Variants in SND1 observed in about 807,000 individuals in gnomAD.
The protein encoded by SND1 is staphylococcal nuclease and tudor domain containing 1.
A neutral mutation model predicts 121.7 loss-of-function variants in SND1; 38 were observed. That is an observed-to-expected ratio of 0.31 (90% confidence interval 0.24 to 0.41). The LOEUF (loss-of-function observed/expected upper bound fraction) is 0.41, where lower values mean the gene tolerates loss of function less well. SND1 is among the 10% of genes least tolerant of loss of function. SND1 has a pLI of 1.00. For missense variants in SND1, 868 were observed against 1,184.6 expected, an observed-to-expected ratio of 0.73 and a Z score of 3.92; for synonymous variants, 401 against 447.4, an observed-to-expected ratio of 0.90 and a Z score of 1.31.
intron 20 of SND1, chr7:128,086,587 G>A (rs1793691333): frequency 2.8e-6 from 1 of 358,726 alleles, no homozygotes; most frequent in Non-Finnish European, 5.3e-6. Context: ...GAACCCCCTG[G>A]CCTGTGGGAA....
intron 9 of SND1, among the ~76,000 whole-genome samples, chr7:127,711,542 T>C (rs1315508620): frequency 6.6e-6 from 1 of 152,156 alleles, no homozygotes; most frequent in Admixed American, 6.5e-5. Context: ...CAAATTCTTT[T>C]TGATCCTAGT....
At chr7:127,660,408 G>T (rs1227943722) in intron 1 of SND1, among the ~76,000 whole-genome samples, 1 of 152,176 alleles carries the variant, frequency 6.6e-6, no homozygotes, top group South Asian at 2.1e-4. Context: ...GAGTGTGGGG[G>T]CTAATAGGGT....
intron 16 of SND1, among the ~76,000 whole-genome samples, chr7:127,994,734 C>T (rs892986154): frequency 3.3e-5 from 5 of 152,146 alleles, no homozygotes; most frequent in East Asian, 1.9e-4. Context: ...TTGTTTGAAA[C>T]GGAGTCTCGC....
Position 128,029,620 on chromosome 7 carries a change from C to G in SND1, c.1779+38564C>G. The G allele has an allele frequency of 6.2e-7, 1 of 1,613,998 alleles. No homozygotes were observed. The highest frequency in any genetic ancestry group is 8.5e-7 in the Non-Finnish European group (1 of 1,180,004). ...TGGAAGGAGGCCTGGTCCACCTCCA[C>G]GAGGTAGCGGCCTCGCATGTGCATG... On this transcript the variant is annotated intron_variant, in intron 16 of 23. Transcript: ENST00000354725. This position sits in a 1 kb window ranked among gnomAD's most constrained non-coding sequence, Gnocchi z 4.2.
intron 11 of SND1, among the ~76,000 whole-genome samples, chr7:127,835,023 G>C (rs1455305224): frequency 2.0e-5 from 3 of 152,192 alleles, no homozygotes; most frequent in African/African-American, 7.2e-5. Context: ...ACTCTTGGCA[G>C]GGTGAATACT....
chr7:127,893,337 CTA>C (rs1800050996), intron 13 of SND1, among the ~76,000 whole-genome samples: 1 of 152,050 alleles, frequency 6.6e-6, no homozygotes, highest in East Asian at 1.9e-4. Flanking sequence ...TGGCTGTGTG[CTA>C]TGTTTTCTTT....
intron 8 of SND1, among the ~76,000 whole-genome samples, chr7:127,705,309 AACAG>A (rs1475706283): frequency 2.6e-5 from 4 of 152,222 alleles, no homozygotes; most frequent in Admixed American, 6.5e-5. Flanking sequence ...GCTGCTCCCA[AACAG>A]ACAGACAAGA....
chr7:127,985,794 C>G (rs1433761614), intron 15 of SND1, among the ~76,000 whole-genome samples: 1 of 152,200 alleles, frequency 6.6e-6, no homozygotes, highest in Non-Finnish European at 1.5e-5. Context: ...GCTAGATGAG[C>G]TGGTGGATTT....
intron 10 of SND1, among the ~76,000 whole-genome samples, chr7:127,799,992 C>T (rs1212269078): frequency 2.0e-5 from 3 of 152,148 alleles, no homozygotes; most frequent in Admixed American, 2.0e-4. Context: ...GTTATCAGAC[C>T]TGCCTTTTAT....
chr7:127,952,431 A>G (rs749196286), intron 15 of SND1, among the ~76,000 whole-genome samples: 3 of 152,222 alleles, frequency 2.0e-5, no homozygotes, highest in Non-Finnish European at 2.9e-5. Context: ...CAACAACCAC[A>G]GAGGATGCAA....
In SND1 at chr7:128,085,362, G is replaced by A. The variant is rs561805222; in HGVS notation, c.2235-349G>A. Among the ~76,000 whole-genome samples, 3 of 152,294 alleles carry A rather than the reference G, an allele frequency of 2.0e-5. No individual in the cohort carries two copies. The highest frequency in any genetic ancestry group is 1.9e-4 in the East Asian group (1 of 5,178). On this transcript the variant is annotated intron_variant, in intron 19 of 23. Transcript: ENST00000354725. This position sits in a 1 kb window ranked among gnomAD's most constrained non-coding sequence, Gnocchi z 4.4. ...GTGACTTGGATATGTTCCCTGCTGC[G>A]GCCTCCCAGGCAGATCTGCTGGCTA...
chr7:127,926,750 G>GTTT (rs1274358884), intron 14 of SND1, among the ~76,000 whole-genome samples: 3 of 149,440 alleles, frequency 2.0e-5, no homozygotes, highest in Admixed American at 2.0e-4. Context: ...TGTTGTTGTT[G>GTTT]TTGTTGTTGT....
At chr7:127,687,818 T>C (rs1795841990) in intron 2 of SND1, among the ~76,000 whole-genome samples, 1 of 152,118 alleles carries the variant, frequency 6.6e-6, no homozygotes, top group Non-Finnish European at 1.5e-5. Context: ...TGGGAGTAGC[T>C]GGAACTACAG....
At chr7:127,844,495 TTTCC>T in intron 12 of SND1, 71 bp downstream of exon 12, 1 of 1,215,896 alleles carries the variant, frequency 8.2e-7, no homozygotes, top group East Asian at 2.5e-5. Context: ...CATTTGAATC[TTTCC>T]TTCCTTTCAC....
intron 15 of SND1, among the ~76,000 whole-genome samples, chr7:127,988,712 T>G (rs1802453879): frequency 6.6e-6 from 1 of 152,052 alleles, no homozygotes; most frequent in South Asian, 2.1e-4. Flanking sequence ...TCGGAAATCT[T>G]TTATGCCCTC....
At chr7:127,922,116 G>C (rs984767264) in intron 14 of SND1, among the ~76,000 whole-genome samples, 2 of 143,970 alleles carry the variant, frequency 1.4e-5, no homozygotes, top group African/African-American at 2.6e-5. Flanking sequence ...TCAGCCTCCT[G>C]AGTAGATAAG....
chr7:127,895,513 T>C (rs1800101515), intron 13 of SND1, among the ~76,000 whole-genome samples: 1 of 152,030 alleles, frequency 6.6e-6, no homozygotes. Context: ...CATTTTGGGG[T>C]TGCAGTTAAG....
chr7:127,711,290 C>T (rs1796292871), intron 9 of SND1, among the ~76,000 whole-genome samples: 1 of 152,176 alleles, frequency 6.6e-6, no homozygotes. Context: ...AACTTCATGG[C>T]AAAGAATGCT....
At position 127,943,514 on chromosome 7, in the gene SND1, C is replaced by T. The variant is rs146716398; in HGVS notation, c.1669+14185C>T. ...TGTGTCTTCCATGAAATCCAGGCTC[C>T]AGACATAGGCCTTTGTGCTTCAATC... On this transcript the variant is annotated intron_variant, in intron 15 of 23. Coordinates refer to ENST00000354725, the MANE Select transcript of SND1 (RefSeq NM_014390.4). Among the ~76,000 whole-genome samples, 7 of 152,294 alleles carry T rather than the reference C, an allele frequency of 4.6e-5. No individual in the cohort carries two copies. In the East Asian group the frequency reaches 1.4e-3, roughly 29 times the overall value.
Sources: allele counts gnomAD v4.1 joint callset (sites outside exome capture counted in the v4.1 genomes callset), GRCh38; gene constraint gnomAD v4.1.1; non-coding constraint Gnocchi (gnomAD v3.1); transcripts MANE v1.5; gene names NCBI Gene and HGNC (gene_info 2026-07-23, HGNC 2026-07-21).